JAK1: variants seen among roughly 807,000 people sequenced by gnomAD.
The protein encoded by JAK1 is Janus kinase 1, also known as tyrosine-protein kinase JAK1.
A neutral mutation model predicts 136.6 loss-of-function variants in JAK1; 16 were observed. The ratio of observed to expected loss-of-function variants is 0.12; its 90% CI spans 0.08 to 0.18. JAK1 has a LOEUF of 0.18. JAK1 is among the 10% of genes least tolerant of loss of function. The pLI, the probability that JAK1 is intolerant of heterozygous loss-of-function variation, is 1.00. For missense variants in JAK1, 859 were observed against 1,450.1 expected (o/e 0.59, Z 6.62); for synonymous variants, 492 against 519.5 (o/e 0.95, Z 0.72).
chr1:64,942,634 G>A (rs1569648201), intron 1 of JAK1, among the ~76,000 whole-genome samples: 1 of 152,200 alleles, frequency 6.6e-6, no homozygotes, highest in Admixed American at 6.5e-5. Flanking sequence ...TAACTCAAAT[G>A]TAACAATTTA....
Position 64,837,995 on chromosome 1 carries a change from T to C in JAK1, c.3077A>G (p.Lys1026Arg). 1 of 1,614,174 alleles carries C rather than the reference T, an allele frequency of 6.2e-7. No homozygotes were observed. Among genetic ancestry groups the C allele is most frequent in the South Asian group, 1.1e-5 (1 of 91,078 alleles). Residue 1026 changes from lysine to arginine, a missense_variant, in exon 22 of 25, where the codon AAA (lysine) becomes AGA (arginine). Coordinates refer to ENST00000342505, the MANE Select transcript of JAK1 (RefSeq NM_002227.4). ...QVKIGDFGLT[K>R]AIETDKEYYT... is the part of the protein sequence containing the mutation. ...ATACTCCTTATCGGTTTCAATTGCT[T>C]TGGTTAAACCGAAGTCTCCAATTTT...
intron 1 of JAK1, among the ~76,000 whole-genome samples, chr1:64,887,814 A>G (rs1013567535): frequency 7.9e-5 from 12 of 152,178 alleles, no homozygotes; most frequent in Admixed American, 2.6e-4. Flanking sequence ...ATGTGTGGGG[A>G]AAAAGGTCCT....
chr1:65,055,141 A>T (rs1247600876), intron 1 of JAK1, among the ~76,000 whole-genome samples: 1 of 152,124 alleles, frequency 6.6e-6, no homozygotes, highest in East Asian at 1.9e-4. Flanking sequence ...ATACAACTCC[A>T]TTAAACACTA....
chr1:64,959,445 C>A (rs561462318), intron 1 of JAK1, among the ~76,000 whole-genome samples: 3 of 152,306 alleles, frequency 2.0e-5, no homozygotes, highest in Admixed American at 1.3e-4. Flanking sequence ...ACCAGCAAAA[C>A]TCCCTGGAGT....
intron 1 of JAK1, among the ~76,000 whole-genome samples, chr1:65,060,623 A>AAT (rs1426870670): frequency 6.6e-6 from 1 of 152,186 alleles, no homozygotes; most frequent in African/African-American, 2.4e-5. Context: ...AGAAAAAAAA[A>AAT]GAAGCCAAGC....
At chr1:64,854,585 T>C (rs1221954686) in intron 11 of JAK1, among the ~76,000 whole-genome samples, 2 of 152,194 alleles carry the variant, frequency 1.3e-5, no homozygotes, top group Non-Finnish European at 2.9e-5. Context: ...GACCTCTACG[T>C]GTCTTTCCAG....
intron 2 of JAK1, among the ~76,000 whole-genome samples, chr1:64,997,848 C>A (rs1479190571): frequency 6.6e-6 from 1 of 152,132 alleles, no homozygotes; most frequent in African/African-American, 2.4e-5. Context: ...ACAGGTTACC[C>A]CAGGGATCCC....
At chr1:64,970,931 A>C (rs1344166104), upstream of JAK1, among the ~76,000 whole-genome samples, 1 of 152,230 alleles carries the variant, frequency 6.6e-6, no homozygotes, top group Non-Finnish European at 1.5e-5. Context: ...AATTAATAAC[A>C]ACCACCCAAC....
In JAK1 at chr1:64,833,945, T is replaced by G. The variant is rs993926222; in HGVS notation, c.*617A>C. ...CAGCTTTCTCAAAAATGGGTGCTAG[T>G]GATCACCCAAAGGAACAGGAGCTAA... On this transcript the variant is annotated 3_prime_UTR_variant, in exon 25 of 25. Transcript: ENST00000342505. The G allele has an allele frequency of 4.3e-6, 1 of 232,744 alleles. No individual in the cohort carries two copies. The allele number at this position is 232,744 out of a possible 1,614,324, so 14.4% of individuals were successfully genotyped here.
At chr1:64,963,694 G>A (rs1461778138) in intron 1 of JAK1, among the ~76,000 whole-genome samples, 1 of 152,156 alleles carries the variant, frequency 6.6e-6, no homozygotes, top group African/African-American at 2.4e-5. Context: ...GAGATGACCA[G>A]GGAGAATATT....
At chr1:65,044,204 T>C (rs1647162937) in intron 2 of JAK1, among the ~76,000 whole-genome samples, 1 of 152,166 alleles carries the variant, frequency 6.6e-6, no homozygotes, top group African/African-American at 2.4e-5. Flanking sequence ...AAAGCAAGGA[T>C]AGACTAGTGG....
intron 1 of JAK1, among the ~76,000 whole-genome samples, chr1:64,901,874 ATG>A (rs1645110508): frequency 6.6e-6 from 1 of 152,104 alleles, no homozygotes; most frequent in Non-Finnish European, 1.5e-5. Context: ...GAATCATATA[ATG>A]TGTGTGTCTG....
intron 1 of JAK1, among the ~76,000 whole-genome samples, chr1:65,044,734 G>A (rs1001498280): frequency 1.6e-4 from 25 of 152,190 alleles, no homozygotes; most frequent in African/African-American, 4.3e-4. Context: ...CAGTTTGGGC[G>A]GCAGTACAAG....
chr1:64,958,433 A>C (rs974743158), intron 1 of JAK1, among the ~76,000 whole-genome samples: 6 of 152,224 alleles, frequency 3.9e-5, no homozygotes, highest in Non-Finnish European at 7.3e-5. Context: ...AATGGTTTTA[A>C]CTGAACAAAA....
intron 12 of JAK1, among the ~76,000 whole-genome samples, chr1:64,849,999 AC>A: frequency 6.6e-6 from 1 of 151,794 alleles, no homozygotes; most frequent in Admixed American, 6.6e-5. Flanking sequence ...AAAGTAACAA[AC>A]CCCCGAGTGC....
intron 1 of JAK1, among the ~76,000 whole-genome samples, chr1:64,952,168 G>A (rs1425039249): frequency 6.6e-6 from 1 of 152,178 alleles, no homozygotes; most frequent in Non-Finnish European, 1.5e-5. Flanking sequence ...AAGTGATTTT[G>A]CCATCTCAAA....
intron 3 of JAK1, among the ~76,000 whole-genome samples, chr1:64,879,752 T>C (rs756313370): frequency 6.6e-6 from 1 of 152,200 alleles, no homozygotes; most frequent in Non-Finnish European, 1.5e-5. Flanking sequence ...ATCACAAATA[T>C]TTTTTATTTA....
intron 8 of JAK1, among the ~76,000 whole-genome samples, chr1:64,862,556 T>C (rs1656416968): frequency 6.6e-6 from 1 of 152,238 alleles, no homozygotes; most frequent in East Asian, 1.9e-4. Flanking sequence ...TGGCTTGGCA[T>C]AGAGTCATTG....
intron 11 of JAK1, among the ~76,000 whole-genome samples, chr1:64,854,082 TTC>T (rs1655770623): frequency 6.6e-6 from 1 of 152,230 alleles, no homozygotes; most frequent in East Asian, 1.9e-4. Context: ...GCTGCAGTTA[TTC>T]TCTGAGCCTG....
Sources: allele counts gnomAD v4.1 joint callset (sites outside exome capture counted in the v4.1 genomes callset), GRCh38; gene constraint gnomAD v4.1.1; transcripts MANE v1.5; gene names NCBI Gene and HGNC (gene_info 2026-07-23, HGNC 2026-07-21).